DIAPH3: variants seen among roughly 807,000 people sequenced by gnomAD.
DIAPH3 encodes the protein protein diaphanous homolog 3.
In DIAPH3, 117 loss-of-function variants were observed where a neutral mutation model predicts 144.3. That is an observed-to-expected ratio of 0.81 (90% confidence interval 0.70 to 0.95). DIAPH3 has a LOEUF of 0.95. Among genes scored for constraint, DIAPH3 ranks in the 40% least tolerant of loss-of-function variants. The pLI is 0.00. For missense variants in DIAPH3, 1,421 were observed against 1,412.7 expected (o/e 1.01, Z -0.09); for synonymous variants, 519 against 488.9 (o/e 1.06, Z -0.81).
At chr13:59,761,929 C>T (rs1348271775) in intron 27 of DIAPH3, among the ~76,000 whole-genome samples, 3 of 151,934 alleles carry the variant, frequency 2.0e-5, no homozygotes, top group Admixed American at 6.6e-5. Context: ...CAGACAGCTG[C>T]TAGATGGAAG....
At chr13:59,872,363 T>C (rs56372728) in intron 21 of DIAPH3, among the ~76,000 whole-genome samples, 1 of 152,174 alleles carries the variant, frequency 6.6e-6, no homozygotes, top group Non-Finnish European at 1.5e-5. Flanking sequence ...CTTCTGAACT[T>C]TACATTAAAG....
chr13:60,115,581 T>C (rs1032403515), intron 2 of DIAPH3, among the ~76,000 whole-genome samples: 1 of 152,174 alleles, frequency 6.6e-6, no homozygotes, highest in African/African-American at 2.4e-5. Flanking sequence ...TAATACTGCA[T>C]CTTTACATTT....
At chr13:59,810,644 TAAAG>T in intron 25 of DIAPH3, 140 bp downstream of exon 25, 1 of 918,984 alleles carries the variant, frequency 1.1e-6, no homozygotes, top group Non-Finnish European at 1.6e-6. Flanking sequence ...AAGAAGACCA[TAAAG>T]AAAGAATTGT....
intron 27 of DIAPH3, among the ~76,000 whole-genome samples, chr13:59,746,352 T>C (rs925554234): frequency 6.6e-6 from 1 of 151,940 alleles, no homozygotes; most frequent in Non-Finnish European, 1.5e-5. Flanking sequence ...GCCTCCCGAG[T>C]AGCTGAGATT....
chr13:59,779,225 G>T (rs1024010085), intron 25 of DIAPH3, among the ~76,000 whole-genome samples: 2 of 152,158 alleles, frequency 1.3e-5, no homozygotes. Flanking sequence ...AAAACAACTT[G>T]CATTCTAGTC....
intron 1 of DIAPH3, among the ~76,000 whole-genome samples, chr13:60,158,483 C>A (rs1216318026): frequency 6.6e-6 from 1 of 152,134 alleles, no homozygotes; most frequent in East Asian, 1.9e-4. Flanking sequence ...TAATGTGTAT[C>A]CACCTCAGAC....
intron 5 of DIAPH3, among the ~76,000 whole-genome samples, chr13:60,039,307 T>C (rs975290502): frequency 1.0e-5 from 1 of 99,666 alleles, no homozygotes; most frequent in Non-Finnish European, 2.2e-5. Flanking sequence ...TTGATTTCTT[T>C]CTCTTTTTTT....
At chr13:59,779,450 T>C (rs1221341785) in intron 25 of DIAPH3, among the ~76,000 whole-genome samples, 1 of 151,936 alleles carries the variant, frequency 6.6e-6, no homozygotes, top group East Asian at 1.9e-4. Flanking sequence ...ATGTATGAAA[T>C]GCCTGCTTAT....
intron 3 of DIAPH3, among the ~76,000 whole-genome samples, chr13:60,110,109 C>T (rs1347705990): frequency 1.3e-5 from 2 of 152,110 alleles, no homozygotes; most frequent in African/African-American, 4.8e-5. Flanking sequence ...GTAATCAAGT[C>T]AGCACAGTCT....
At chr13:59,736,053 G>A (rs2036136781) in intron 27 of DIAPH3, among the ~76,000 whole-genome samples, 1 of 152,244 alleles carries the variant, frequency 6.6e-6, no homozygotes, top group South Asian at 2.1e-4. Context: ...TGGGTTTTCT[G>A]TTACTATGTT....
Position 59,691,422 on chromosome 13 carries a change from G to A in DIAPH3, c.3320-24576C>T, listed in dbSNP as rs116121138. 4.3e-3 allele frequency among the ~76,000 whole-genome samples: 656 copies of A among 152,176 alleles called. 6 individuals carry two copies. Among genetic ancestry groups the A allele is most frequent in the African/African-American group, 0.014 (593 of 41,526 alleles). On this transcript the variant is annotated intron_variant, in intron 27 of 27. Coordinates refer to ENST00000400324, the MANE Select transcript of DIAPH3 (RefSeq NM_001042517.2). Reference sequence around the variant, plus strand: ...ATAAAAGCTTACTTACTGATATCTAGGTGTTTAGGAAATATGGTAAAAGAC... The same window carrying A: ...ATAAAAGCTTACTTACTGATATCTAAGTGTTTAGGAAATATGGTAAAAGAC...
intron 9 of DIAPH3, among the ~76,000 whole-genome samples, chr13:59,997,699 G>C (rs561776987): frequency 2.8e-4 from 43 of 152,134 alleles, no homozygotes; most frequent in Non-Finnish European, 5.9e-4. Context: ...TTTTTCCAAA[G>C]GCCGACAGAG....
intron 22 of DIAPH3, among the ~76,000 whole-genome samples, chr13:59,839,961 A>T (rs1260109629): frequency 1.3e-5 from 2 of 152,168 alleles, no homozygotes; most frequent in African/African-American, 4.8e-5. Context: ...TTCTTTGCTG[A>T]TATCCTGAAC....
intron 16 of DIAPH3, 37 bp downstream of exon 16, chr13:59,970,815 C>T (rs781059180): frequency 3.2e-6 from 5 of 1,571,132 alleles, no homozygotes; most frequent in Non-Finnish European, 3.5e-6. Context: ...AGATTTAGAT[C>T]TAAGTAAAAG....
chr13:60,123,842 CTTATATCCTACTAGAA>C (rs1175538228), intron 2 of DIAPH3, among the ~76,000 whole-genome samples: 1 of 151,914 alleles, frequency 6.6e-6, no homozygotes, highest in African/African-American at 2.4e-5. Context: ...TACAGAGAGC[CTTATATCCTACTAGAA>C]TAATAAGATA....
chr13:59,817,342 T>C (rs1414066954), intron 24 of DIAPH3, among the ~76,000 whole-genome samples: 1 of 151,936 alleles, frequency 6.6e-6, no homozygotes, highest in East Asian at 1.9e-4. Context: ...ATATAGTTTA[T>C]TAATTTTTAC....
intron 27 of DIAPH3, among the ~76,000 whole-genome samples, chr13:59,710,920 A>T (rs893804439): frequency 6.6e-6 from 1 of 152,228 alleles, no homozygotes; most frequent in Non-Finnish European, 1.5e-5. Context: ...CAATACTTTG[A>T]GATGAGTTTC....
intron 27 of DIAPH3, among the ~76,000 whole-genome samples, chr13:59,688,023 A>G (rs1040583870): frequency 6.6e-6 from 1 of 152,088 alleles, no homozygotes; most frequent in African/African-American, 2.4e-5. Context: ...TAAATGTCTC[A>G]TATTTTATCC....
At chr13:60,052,612 C>G (rs561933016) in intron 4 of DIAPH3, among the ~76,000 whole-genome samples, 1 of 152,078 alleles carries the variant, frequency 6.6e-6, no homozygotes, top group Non-Finnish European at 1.5e-5. Context: ...CTGCATCTGC[C>G]TAATTCATCA....
Sources: allele counts gnomAD v4.1 joint callset (sites outside exome capture counted in the v4.1 genomes callset), GRCh38; gene constraint gnomAD v4.1.1; transcripts MANE v1.5; gene names NCBI Gene and HGNC (gene_info 2026-07-23, HGNC 2026-07-21).